CA10: variants seen among roughly 807,000 people sequenced by gnomAD.
CA10 encodes carbonic anhydrase 10 (inactive).
A neutral mutation model predicts 44.2 loss-of-function variants in CA10; 14 were observed. That is an observed-to-expected ratio of 0.32 (90% CI 0.21 to 0.50). The LOEUF is 0.50. Among genes scored for constraint, CA10 ranks in the 20% least tolerant of loss-of-function variants. The pLI is 0.99. For synonymous variants in CA10, 159 were observed against 141.6 expected, an observed-to-expected ratio of 1.12 and a Z score of -0.87; for missense variants, 350 against 409.7, an observed-to-expected ratio of 0.85 and a Z score of 1.26.
intron 2 of CA10, among the ~76,000 whole-genome samples, chr17:51,951,661 C>T (rs1191928704): frequency 6.6e-6 from 1 of 152,176 alleles, no homozygotes; most frequent in East Asian, 1.9e-4. Context: ...GCCTATTAAA[C>T]ATGCCCATTA....
intron 4 of CA10, among the ~76,000 whole-genome samples, chr17:51,673,735 T>C (rs1281105517): frequency 3.3e-5 from 5 of 152,236 alleles, no homozygotes; most frequent in African/African-American, 1.2e-4. Flanking sequence ...GTGATGGCTC[T>C]AGGTCTAAAC....
At chr17:51,929,667 C>A (rs1982571702) in intron 3 of CA10, among the ~76,000 whole-genome samples, 2 of 147,782 alleles carry the variant, frequency 1.4e-5, no homozygotes, top group South Asian at 2.2e-4. Context: ...AAATACTGAC[C>A]AGCGAACTCA....
At chr17:51,920,317 A>AAAGGACAGGGAAAG (rs1318594564) in intron 3 of CA10, among the ~76,000 whole-genome samples, 3 of 152,098 alleles carry the variant, frequency 2.0e-5, no homozygotes, top group African/African-American at 7.2e-5. Flanking sequence ...AGAGGAAGTG[A>AAAGGACAGGGAAAG]AAGGACAGGG....
chr17:51,761,455 G>A (rs1413021127), intron 3 of CA10: 1 of 152,008 alleles, frequency 6.6e-6, no homozygotes, highest in East Asian at 1.9e-4. Context: ...TAAGAATTTG[G>A]TTGAATCTGA....
intron 2 of CA10, among the ~76,000 whole-genome samples, chr17:51,939,470 T>A (rs769523065): frequency 3.3e-5 from 5 of 152,142 alleles, no homozygotes; most frequent in Non-Finnish European, 2.9e-5. Context: ...TTTATTTTAA[T>A]AGATGCTGTC....
chr17:51,970,396 T>C (rs965560553), intron 2 of CA10, among the ~76,000 whole-genome samples: 7 of 151,944 alleles, frequency 4.6e-5, no homozygotes, highest in Non-Finnish European at 1.0e-4. Flanking sequence ...TATTTTTTTG[T>C]TCCTCTTACA....
intron 3 of CA10, 36 bp downstream of exon 3, chr17:51,930,954 C>A: frequency 6.2e-7 from 1 of 1,610,328 alleles, no homozygotes; most frequent in Non-Finnish European, 8.5e-7. Flanking sequence ...ATGGCCCCAT[C>A]TTCAACTTTA....
intron 3 of CA10, among the ~76,000 whole-genome samples, chr17:51,876,344 TC>T (rs1397894671): frequency 7.1e-6 from 1 of 140,846 alleles, no homozygotes; most frequent in African/African-American, 2.8e-5. Context: ...TTTTTTTTCA[TC>T]TTTTTTTTTT....
chr17:51,955,065 G>T (rs1983616171), intron 2 of CA10, among the ~76,000 whole-genome samples: 2 of 152,204 alleles, frequency 1.3e-5, no homozygotes, highest in South Asian at 4.1e-4. Context: ...CCCGGCTCTT[G>T]GGTGGAGTAT....
intron 2 of CA10, among the ~76,000 whole-genome samples, chr17:52,025,201 T>C (rs1476875390): frequency 6.6e-6 from 1 of 152,140 alleles, no homozygotes; most frequent in East Asian, 1.9e-4. Flanking sequence ...AAAGTGGTCA[T>C]GCTTCTGAGC....
At chr17:51,833,430 G>C (rs1214203563) in intron 3 of CA10, among the ~76,000 whole-genome samples, 1 of 152,174 alleles carries the variant, frequency 6.6e-6, no homozygotes, top group East Asian at 1.9e-4. Context: ...CTTCTAGCCA[G>C]CTGATTAAAA....
chr17:52,151,888 C>T (rs1050441390), intron 1 of CA10, among the ~76,000 whole-genome samples: 2 of 152,104 alleles, frequency 1.3e-5, no homozygotes, highest in Non-Finnish European at 2.9e-5. Flanking sequence ...AGAATTCACA[C>T]GTCTGCCTAT....
chr17:51,779,073 T>C (rs973058599), intron 3 of CA10, among the ~76,000 whole-genome samples: 1 of 152,036 alleles, frequency 6.6e-6, no homozygotes, highest in African/African-American at 2.4e-5. Context: ...ACTATAATAA[T>C]ACTGAAGCCC....
At chr17:52,032,086 C>T (rs1463953545) in intron 2 of CA10, among the ~76,000 whole-genome samples, 1 of 152,140 alleles carries the variant, frequency 6.6e-6, no homozygotes, top group African/African-American at 2.4e-5. Context: ...CATATCAATG[C>T]ACAAACTAAA....
chr17:52,151,714 T>C (rs549257189), intron 1 of CA10, among the ~76,000 whole-genome samples: 5 of 152,262 alleles, frequency 3.3e-5, no homozygotes, highest in African/African-American at 1.2e-4. Context: ...ATGATGATAA[T>C]TTTATGGGAG....
chr17:51,874,813 T>C (rs756706511), intron 3 of CA10, among the ~76,000 whole-genome samples: 1 of 152,200 alleles, frequency 6.6e-6, no homozygotes, highest in Admixed American at 6.5e-5. Context: ...ATTACTCATA[T>C]AGAGTGTCTG....
intron 3 of CA10, among the ~76,000 whole-genome samples, chr17:51,825,142 C>T (rs1429296930): frequency 6.6e-6 from 1 of 152,204 alleles, no homozygotes; most frequent in Non-Finnish European, 1.5e-5. Flanking sequence ...CAAAACAATG[C>T]TTTCTCAGCT....
At chr17:51,992,765 C>T (rs926654867) in intron 2 of CA10, among the ~76,000 whole-genome samples, 2 of 152,044 alleles carry the variant, frequency 1.3e-5, no homozygotes, top group Non-Finnish European at 2.9e-5. Flanking sequence ...ACTAAGGTTC[C>T]CAAAGTCCAG....
rs202181194 is a variant in CA10, at chr17:51,813,687, T to C, written c.280-65869A>G. On this transcript the variant is annotated intron_variant, in intron 3 of 8. Transcript: ENST00000451037. ...GGATTCTCGATAAAGCTGTGTGCAA[T>C]TACACAGTGAGGGTGAAAGCTTTCC... is the stretch of plus-strand genomic sequence containing the variant. Among the ~76,000 whole-genome samples, 5 of 152,194 alleles carry C rather than the reference T, an allele frequency of 3.3e-5. No homozygotes were observed. In the East Asian group the frequency reaches 9.6e-4, roughly 29 times the overall value.
Sources: allele counts gnomAD v4.1 joint callset (sites outside exome capture counted in the v4.1 genomes callset), GRCh38; gene constraint gnomAD v4.1.1; transcripts MANE v1.5; gene names NCBI Gene and HGNC (gene_info 2026-07-23, HGNC 2026-07-21).